The following KAT6A variants were observed in gnomAD, a reference collection of about 807,000 sequenced individuals.
The protein encoded by KAT6A is histone acetyltransferase KAT6A.
KAT6A carries 9 observed loss-of-function variants against 198.4 expected under a neutral mutation model. That is an observed-to-expected ratio of 0.05 (90% CI 0.03 to 0.08). The LOEUF (loss-of-function observed/expected upper bound fraction) is 0.08. Among genes scored for constraint, KAT6A ranks in the 10% least tolerant of loss-of-function variants. The probability of loss-of-function intolerance (pLI) is 1.00; values close to 1 mark genes in which losing one functional copy is unlikely to be tolerated. For missense variants in KAT6A, 2,077 were observed against 2,509.9 expected (o/e 0.83, Z 3.69); for synonymous variants, 890 against 883.0 (o/e 1.01, Z -0.14).
At chr8:42,041,258 ATC>A (rs1356402848) in intron 2 of KAT6A, among the ~76,000 whole-genome samples, 3 of 151,636 alleles carry the variant, frequency 2.0e-5, no homozygotes, top group African/African-American at 7.3e-5. Flanking sequence ...TTACAAACAT[ATC>A]TCTGAGTTAT....
At chr8:41,988,855 T>G (rs1824761313) in intron 2 of KAT6A, among the ~76,000 whole-genome samples, 1 of 152,224 alleles carries the variant, frequency 6.6e-6, no homozygotes, top group African/African-American at 2.4e-5. Flanking sequence ...ACCTCTCAAC[T>G]GTTTATGCTA....
At chr8:42,037,883 G>A (rs1827456225) in intron 2 of KAT6A, among the ~76,000 whole-genome samples, 1 of 152,102 alleles carries the variant, frequency 6.6e-6, no homozygotes, top group Non-Finnish European at 1.5e-5. Context: ...GAGATGAAGT[G>A]TTAGTCATAA....
chr8:41,934,417 G>A lies in KAT6A; in HGVS notation c.3803C>T (p.Pro1268Leu). The A allele has an allele frequency of 3.1e-6, 5 of 1,611,668 alleles. No individual in the cohort carries two copies. Among genetic ancestry groups the A allele is most frequent in the Non-Finnish European group, 4.2e-6 (5 of 1,178,788 alleles). The change falls in exon 17 of 17, where the codon CCT becomes CTT. Residue 1268 changes from proline to leucine, a missense_variant. By Grantham distance (98) the Pro-to-Leu change is moderately conservative. This residue lies in a region of KAT6A where 375 missense variants were observed against 383.0 expected (regional missense o/e 0.98). Coordinates refer to ENST00000265713, the MANE Select transcript of KAT6A (RefSeq NM_006766.5). ...SNSPETETKE[P>L]EVEEEEEKPR... ...CTTCTCTTCTTCCTCCTCCACCTCAGGCTCCTTGGTTTCGGTCTCAGGACT... is the reference window on the plus strand; with the variant it reads ...CTTCTCTTCTTCCTCCTCCACCTCAAGCTCCTTGGTTTCGGTCTCAGGACT...
Position 42,048,671 on chromosome 8 carries a change from T to C in KAT6A, c.307A>G (p.Ile103Val). The C allele has an allele frequency of 1.2e-6, 2 of 1,614,222 alleles. No individual in the cohort carries two copies. The highest frequency in any genetic ancestry group is 1.7e-6 in the Non-Finnish European group (2 of 1,180,034). The change falls in exon 2 of 17, where the codon ATA (isoleucine) becomes GTA (valine). Residue 103 changes from isoleucine to valine, a missense_variant. Around this residue, in one of 13 missense-constraint regions of KAT6A, gnomAD observed 185 missense variants for 185.7 expected, o/e 1.00. Transcript: ENST00000265713. Reference sequence around the variant, plus strand: ...GCCAAGCCCTCAACTGCCCGCTTTATCAGTTTATTCCAATCCACATTTTGT... The same window carrying C: ...GCCAAGCCCTCAACTGCCCGCTTTACCAGTTTATTCCAATCCACATTTTGT... ...NKQNVDWNKL[I>V]KRAVEGLAES... is the part of the protein sequence containing the mutation.
At chr8:42,027,336 T>C (rs1047045769) in intron 2 of KAT6A, among the ~76,000 whole-genome samples, 3 of 152,202 alleles carry the variant, frequency 2.0e-5, no homozygotes, top group Admixed American at 6.5e-5. Flanking sequence ...CTTTAATTTT[T>C]TGGAATAGTT....
At chr8:42,018,145 G>A (rs567695338) in intron 2 of KAT6A, among the ~76,000 whole-genome samples, 2 of 152,302 alleles carry the variant, frequency 1.3e-5, no homozygotes, top group East Asian at 1.9e-4. Flanking sequence ...TAACAGTATT[G>A]TAAATTCTAA....
intron 8 of KAT6A, among the ~76,000 whole-genome samples, chr8:41,960,332 C>T (rs1461607513): frequency 6.6e-6 from 1 of 152,000 alleles, no homozygotes; most frequent in African/African-American, 2.4e-5. Flanking sequence ...GTAATCCCAG[C>T]ACTTTGGGAG....
intron 8 of KAT6A, among the ~76,000 whole-genome samples, chr8:41,970,890 C>T (rs928496948): frequency 6.6e-6 from 1 of 152,048 alleles, no homozygotes; most frequent in Non-Finnish European, 1.5e-5. Context: ...TACTATGCAG[C>T]CATAAAAAAG....
chr8:42,046,686 G>C (rs1031671729), intron 2 of KAT6A, among the ~76,000 whole-genome samples: 26 of 152,270 alleles, frequency 1.7e-4, no homozygotes, highest in Admixed American at 1.2e-3. Context: ...TCCGATAACT[G>C]TATTTAAATT....
intron 2 of KAT6A, among the ~76,000 whole-genome samples, chr8:42,023,896 T>A (rs897944319): frequency 3.3e-5 from 5 of 152,056 alleles, no homozygotes; most frequent in African/African-American, 9.7e-5. Context: ...AACATTAGCC[T>A]AAGCCTACAC....
chr8:41,946,833 G>C (rs1822420209), intron 11 of KAT6A, 149 bp from the exon 12 acceptor site: 1 of 608,168 alleles, frequency 1.6e-6, no homozygotes, highest in Admixed American at 2.7e-5. Flanking sequence ...ACCCAGCTGG[G>C]AGAAGATAGG....
At chr8:41,977,406 TAGTA>T in intron 6 of KAT6A, 79 bp from the exon 7 acceptor site, 2 of 886,212 alleles carry the variant, frequency 2.3e-6, no homozygotes, top group Non-Finnish European at 3.4e-6. Flanking sequence ...AACATATAAT[TAGTA>T]AGTAACCTAC....
At chr8:42,018,845 G>C (rs1323217346) in intron 2 of KAT6A, among the ~76,000 whole-genome samples, 1 of 151,846 alleles carries the variant, frequency 6.6e-6, no homozygotes, top group Non-Finnish European at 1.5e-5. Flanking sequence ...AGCCTGAACT[G>C]GGGAGGCAGA....
intron 2 of KAT6A, among the ~76,000 whole-genome samples, chr8:42,009,286 A>C (rs1825896012): frequency 6.6e-6 from 1 of 152,136 alleles, no homozygotes; most frequent in Admixed American, 6.6e-5. Flanking sequence ...TCTGAAGTAA[A>C]ATATTAAAAG....
At chr8:42,024,348 T>C (rs989970042) in intron 2 of KAT6A, among the ~76,000 whole-genome samples, 1 of 152,240 alleles carries the variant, frequency 6.6e-6, no homozygotes, top group East Asian at 1.9e-4. Flanking sequence ...TACATCTTTA[T>C]GAGGTACACG....
At chr8:41,959,170 A>G (rs1049960962) in intron 8 of KAT6A, among the ~76,000 whole-genome samples, 4 of 151,908 alleles carry the variant, frequency 2.6e-5, no homozygotes, top group Non-Finnish European at 4.4e-5. Context: ...AAAAAAAAAA[A>G]AAAAAAAAAA....
chr8:42,039,374 C>T (rs1827528549), intron 2 of KAT6A, among the ~76,000 whole-genome samples: 1 of 152,214 alleles, frequency 6.6e-6, no homozygotes, highest in Non-Finnish European at 1.5e-5. Context: ...AACCAGCAAA[C>T]TCCGCACCTA....
At chr8:42,034,916 C>A (rs1025166547) in intron 2 of KAT6A, among the ~76,000 whole-genome samples, 1 of 152,196 alleles carries the variant, frequency 6.6e-6, no homozygotes, top group African/African-American at 2.4e-5. Flanking sequence ...TACCCAAGGT[C>A]ATAAAGCAAG....
At chr8:41,959,159 GAAAA>G (rs57009251) in intron 8 of KAT6A, among the ~76,000 whole-genome samples, 2 of 82,876 alleles carry the variant, frequency 2.4e-5, no homozygotes, top group African/African-American at 5.0e-5. Flanking sequence ...AGACTGTCTC[GAAAA>G]AAAAAAAAAA....
Sources: gnomAD v4.1 joint callset for allele counts (sites outside exome capture counted in the v4.1 genomes callset) on GRCh38, gnomAD v4.1.1 for gene constraint, gnomAD v4.1.1 regional missense constraint, MANE v1.5 for transcripts, NCBI Gene and HGNC (gene_info 2026-07-23, HGNC 2026-07-21) for gene names.